RYR2: variants seen among roughly 807,000 people sequenced by gnomAD.
RYR2 encodes cardiac muscle ryanodine receptor-calcium release channel.
A neutral mutation model predicts 601.1 loss-of-function variants in RYR2; 227 were observed. That is an observed-to-expected ratio of 0.38 (90% confidence interval 0.34 to 0.42). RYR2 has a LOEUF of 0.42. Ranked by LOEUF, RYR2 falls within the 10% of genes least tolerant of loss-of-function variation. The pLI is 1.00. For missense variants in RYR2, 4,646 were observed against 6,156.5 expected, an observed-to-expected ratio of 0.75 and a Z score of 8.21; for synonymous variants, 2,223 against 2,175.1, an observed-to-expected ratio of 1.02 and a Z score of -0.61.
At chr1:237,058,722 G>A (rs1335639904) in intron 1 of RYR2, among the ~76,000 whole-genome samples, 1 of 146,682 alleles carries the variant, frequency 6.8e-6, no homozygotes, top group South Asian at 2.2e-4. Context: ...CTTGAGACCA[G>A]CCTTCCTTCC....
At chr1:237,270,022 A>C (rs1025079051) in intron 1 of RYR2, among the ~76,000 whole-genome samples, 4 of 152,184 alleles carry the variant, frequency 2.6e-5, no homozygotes, top group African/African-American at 9.7e-5. Context: ...CATCACTTTG[A>C]AGTGAGAAAG....
At position 237,585,409 on chromosome 1, in the gene RYR2, G is replaced by A. The variant is rs372991625; in HGVS notation, c.3599-4384G>A. Among the ~76,000 whole-genome samples the A allele has an allele frequency of 6.6e-5, 10 of 152,322 alleles. No individual in the cohort carries two copies. The East Asian group carries it at 1.7e-3, about 26-fold the overall frequency. ...ACATTAACTACTAATATGGAGCCATGTGTGCTGGGAATTTCATTTATTGGC... is the reference window on the plus strand; with the variant it reads ...ACATTAACTACTAATATGGAGCCATATGTGCTGGGAATTTCATTTATTGGC... On this transcript the variant is annotated intron_variant, in intron 29 of 104. Coordinates refer to ENST00000366574, the MANE Select transcript of RYR2 (RefSeq NM_001035.3).
intron 96 of RYR2, among the ~76,000 whole-genome samples, chr1:237,795,836 G>GTGAATATATATA (rs371932356): frequency 1.7e-4 from 22 of 132,692 alleles, no homozygotes; most frequent in Non-Finnish European, 3.4e-4. Context: ...GTGTGTGTGT[G>GTGAATATATATA]TATATATATA....
At chr1:237,433,740 AAG>A (rs1486006938) in intron 12 of RYR2, among the ~76,000 whole-genome samples, 1 of 152,184 alleles carries the variant, frequency 6.6e-6, no homozygotes, top group Non-Finnish European at 1.5e-5. Context: ...TCCCATGAAG[AAG>A]AGTTATACTG....
intron 12 of RYR2, among the ~76,000 whole-genome samples, chr1:237,435,452 A>G (rs1707246835): frequency 6.6e-6 from 1 of 152,222 alleles, no homozygotes; most frequent in South Asian, 2.1e-4. Context: ...CAGTTATACA[A>G]AGTTACCCAT....
At chr1:237,479,687 C>T (rs1296831342) in intron 17 of RYR2, among the ~76,000 whole-genome samples, 2 of 152,130 alleles carry the variant, frequency 1.3e-5, no homozygotes, top group African/African-American at 4.8e-5. Flanking sequence ...TGGGTACTGA[C>T]GTTTCACAGG....
At chr1:237,425,714 G>C (rs942343022) in intron 12 of RYR2, among the ~76,000 whole-genome samples, 5 of 151,970 alleles carry the variant, frequency 3.3e-5, no homozygotes, top group Admixed American at 2.0e-4. Context: ...ATTGGTCCTT[G>C]TTTTCATGTT....
intron 1 of RYR2, among the ~76,000 whole-genome samples, chr1:237,258,189 G>C (rs1387372765): frequency 6.7e-6 from 1 of 148,536 alleles, no homozygotes; most frequent in Non-Finnish European, 1.5e-5. Flanking sequence ...AAAAAAGAAA[G>C]AAAAAGAAAA....
intron 1 of RYR2, among the ~76,000 whole-genome samples, chr1:237,092,613 T>A (rs1050311197): frequency 1.3e-5 from 2 of 149,492 alleles, no homozygotes; most frequent in African/African-American, 4.9e-5. Context: ...CACTGCAACC[T>A]CCGCCTCCTG....
At chr1:237,414,871 C>A (rs1381468228) in intron 10 of RYR2, among the ~76,000 whole-genome samples, 2 of 152,146 alleles carry the variant, frequency 1.3e-5, no homozygotes, top group Non-Finnish European at 2.9e-5. Flanking sequence ...CAATCTGGGT[C>A]TTAACAAACC....
chr1:237,707,313 T>G, intron 68 of RYR2, 44 bp downstream of exon 68: 1 of 1,046,944 alleles, frequency 9.6e-7, no homozygotes. Context: ...ATCTGTTTTA[T>G]TTCCAAAAGA....
At chr1:237,611,049 G>A (rs1042641862) in intron 36 of RYR2, 61 bp downstream of exon 36, 21 of 1,454,070 alleles carry the variant, frequency 1.4e-5, no homozygotes, top group Non-Finnish European at 1.8e-5. Flanking sequence ...CTGCTGCCCG[G>A]GGCTTCCGGT....
chr1:237,799,495 T>C (rs1659698039), intron 97 of RYR2, among the ~76,000 whole-genome samples: 1 of 148,770 alleles, frequency 6.7e-6, no homozygotes, highest in Non-Finnish European at 1.5e-5. Flanking sequence ...TTTTCTACCA[T>C]TATACATAGT....
At chr1:237,466,733 G>C (rs916175817) in intron 16 of RYR2, among the ~76,000 whole-genome samples, 1 of 151,798 alleles carries the variant, frequency 6.6e-6, no homozygotes, top group South Asian at 2.1e-4. Flanking sequence ...AGCAATTAAA[G>C]TGTTTATTTA....
At chr1:237,646,928 G>C (rs1033682964) in intron 48 of RYR2, among the ~76,000 whole-genome samples, 1 of 152,178 alleles carries the variant, frequency 6.6e-6, no homozygotes, top group Non-Finnish European at 1.5e-5. Context: ...TGAGTCTTGA[G>C]TTACAGGCAG....
intron 1 of RYR2, among the ~76,000 whole-genome samples, chr1:237,230,089 G>A (rs952482597): frequency 3.3e-5 from 5 of 152,042 alleles, no homozygotes; most frequent in Middle Eastern, 3.2e-3. Flanking sequence ...GAAATAGTAC[G>A]TTACCCTAAG....
chr1:237,619,590 CA>C (rs1398104078), intron 38 of RYR2, among the ~76,000 whole-genome samples: 1 of 151,858 alleles, frequency 6.6e-6, no homozygotes, highest in Non-Finnish European at 1.5e-5. Flanking sequence ...TTTTCAAGTT[CA>C]GTAAAAGATA....
In RYR2 at chr1:237,717,185, C is replaced by G. The variant is rs1188052509; in HGVS notation, c.10324-13C>G. The stretch of plus-strand genomic sequence containing the variant: ...AGCAGGTTCAGATCCCAGCACTTCT[C>G]TTTGTTCCATAGGCAGCTGTTTCTG... On this transcript the variant is annotated splice_polypyrimidine_tract_variant and intron_variant, in intron 71 of 104. Coordinates refer to ENST00000366574, the MANE Select transcript of RYR2 (RefSeq NM_001035.3). 46 of 1,612,272 alleles carry G rather than the reference C, an allele frequency of 2.9e-5. No individual in the cohort carries two copies. Among genetic ancestry groups the G allele is most frequent in the Non-Finnish European group, 3.9e-5 (46 of 1,179,064 alleles).
intron 1 of RYR2, among the ~76,000 whole-genome samples, chr1:237,217,929 C>A (rs1461949142): frequency 6.6e-6 from 1 of 152,144 alleles, no homozygotes; most frequent in Non-Finnish European, 1.5e-5. Flanking sequence ...TTAATGGAGA[C>A]AAGGGGATTA....
Sources: gnomAD v4.1 joint callset for allele counts (sites outside exome capture counted in the v4.1 genomes callset) on GRCh38, gnomAD v4.1.1 for gene constraint, MANE v1.5 for transcripts, NCBI Gene and HGNC (gene_info 2026-07-23, HGNC 2026-07-21) for gene names.